Variants in TENM3 observed in about 807,000 individuals in gnomAD.
TENM3 encodes teneurin-3.
TENM3 carries 63 observed loss-of-function variants against 255.1 expected under a neutral mutation model. The observed-to-expected ratio is 0.25, with a 90% CI of 0.20 to 0.30. The LOEUF is 0.30. TENM3 is among the 10% of genes least tolerant of loss of function. The pLI is 1.00. For synonymous variants in TENM3, 1,306 were observed against 1,322.3 expected (o/e 0.99, Z 0.27); for missense variants, 2,929 against 3,461.1 (o/e 0.85, Z 3.86).
At chr4:182,103,566 A>G in the TENM3 span, among the ~76,000 whole-genome samples, 13,128 of 152,274 alleles carry the variant, frequency 0.086, 789 homozygotes, top group South Asian at 0.16. Context: ...TATTAGGTAA[A>G]GCCCTACACA....
rs116341443 is a variant in TENM3, at chr4:182,413,523, C to T, written c.511+66594C>T. On this transcript the variant is annotated intron_variant, in intron 3 of 27. Coordinates refer to ENST00000511685, the MANE Select transcript of TENM3 (RefSeq NM_001080477.4). ...CCCAGCTACTCAGGTGGCTGAGGCA[C>T]GATAATTGCTTGAGCCTGGGAAGCG... is the stretch of plus-strand genomic sequence containing the variant. 6.8e-3 allele frequency among the ~76,000 whole-genome samples: 1,027 copies of T among 151,794 alleles called. 9 individuals are homozygous for T. The highest frequency in any genetic ancestry group is 0.023 in the African/African-American group (936 of 41,380).
At chr4:181,626,070 A>G in the TENM3 span, among the ~76,000 whole-genome samples, 3 of 152,206 alleles carry the variant, frequency 2.0e-5, no homozygotes, top group East Asian at 5.8e-4. Context: ...AGGAAGCCAA[A>G]GCTAACTTTG....
chr4:181,854,294 C>T, the TENM3 span, among the ~76,000 whole-genome samples: 1 of 152,182 alleles, frequency 6.6e-6, no homozygotes, highest in Admixed American at 6.5e-5. Context: ...AGCATTACAG[C>T]CTTGTCATAC....
the TENM3 span, among the ~76,000 whole-genome samples, chr4:181,858,833 A>G: frequency 1.3e-5 from 2 of 152,324 alleles, no homozygotes; most frequent in African/African-American, 2.4e-5. Flanking sequence ...AAGAAAATTG[A>G]AACCAGTTGT....
chr4:182,326,562 G>T (rs1031722837), intron 2 of TENM3, among the ~76,000 whole-genome samples: 1 of 152,036 alleles, frequency 6.6e-6, no homozygotes, highest in Non-Finnish European at 1.5e-5. Context: ...TTAGTGACAA[G>T]CTCGGTCTGT....
At chr4:182,646,427 G>A (rs185841169) in intron 5 of TENM3, among the ~76,000 whole-genome samples, 3 of 152,228 alleles carry the variant, frequency 2.0e-5, no homozygotes, top group East Asian at 3.9e-4. Flanking sequence ...ATATTGGCAC[G>A]AGGCTACTGG....
At chr4:181,451,191 G>C in the TENM3 span, among the ~76,000 whole-genome samples, 2 of 152,180 alleles carry the variant, frequency 1.3e-5, no homozygotes, top group Admixed American at 6.5e-5. Context: ...GTAAGGAGGA[G>C]TGGGTATTTT....
the TENM3 span, among the ~76,000 whole-genome samples, chr4:182,041,773 T>A: frequency 3.9e-5 from 6 of 152,140 alleles, no homozygotes; most frequent in Non-Finnish European, 8.8e-5. Flanking sequence ...ATGTCTCCAG[T>A]CTTAGAGGCT....
the TENM3 span, among the ~76,000 whole-genome samples, chr4:181,481,594 G>A: frequency 6.6e-6 from 1 of 152,090 alleles, no homozygotes; most frequent in African/African-American, 2.4e-5. Context: ...GGCCCAGAGA[G>A]GTTAATTAAC....
chr4:181,964,107 G>A, the TENM3 span, among the ~76,000 whole-genome samples: 1 of 150,118 alleles, frequency 6.7e-6, no homozygotes, highest in African/African-American at 2.5e-5. Flanking sequence ...AAAGTCCCCG[G>A]GGATTAAGGG....
chr4:181,988,735 G>T, the TENM3 span, among the ~76,000 whole-genome samples: 9 of 151,882 alleles, frequency 5.9e-5, no homozygotes, highest in Non-Finnish European at 7.4e-5. Flanking sequence ...ACCTGTCTTT[G>T]CTCTTATTTT....
the TENM3 span, among the ~76,000 whole-genome samples, chr4:182,020,636 T>G: frequency 2.7e-3 from 412 of 152,266 alleles, no homozygotes; most frequent in African/African-American, 9.4e-3. Context: ...TTATATATAT[T>G]GCAACATCTC....
At chr4:182,637,331 A>C (rs950316572) in intron 5 of TENM3, among the ~76,000 whole-genome samples, 5 of 152,214 alleles carry the variant, frequency 3.3e-5, no homozygotes, top group Non-Finnish European at 1.5e-5. Flanking sequence ...GAATGTCTGC[A>C]GACTGCTCAC....
At position 182,260,899 on chromosome 4, in the gene TENM3, G is replaced by A. The variant is rs560414540; in HGVS notation, c.-76+17423G>A. On this transcript the variant is annotated intron_variant, in intron 1 of 27. Coordinates refer to ENST00000511685, the MANE Select transcript of TENM3 (RefSeq NM_001080477.4). ...TTTCTTTCTTTTTTTTTTCTGAGTC[G>A]GAGACTTGCCCTGTTGCCCAGGCTG... 7.3e-4 allele frequency among the ~76,000 whole-genome samples: 111 copies of A among 151,650 alleles called. 1 individual carries two copies. Among genetic ancestry groups the A allele is most frequent in the African/African-American group, 2.6e-3 (106 of 41,344 alleles).
At chr4:182,100,013 T>C in the TENM3 span, among the ~76,000 whole-genome samples, 149,227 of 152,226 alleles carry the variant, frequency 0.98, 73,209 homozygotes, top group East Asian at 1. Flanking sequence ...GGTCAGTGTT[T>C]TGCCTTATCC....
intron 3 of TENM3, among the ~76,000 whole-genome samples, chr4:182,424,622 G>T (rs1561432842): frequency 6.6e-6 from 1 of 152,020 alleles, no homozygotes; most frequent in African/African-American, 2.4e-5. Context: ...AAGAAATAAT[G>T]CATGGACAAA....
At chr4:182,436,563 T>C (rs1032495051) in intron 3 of TENM3, among the ~76,000 whole-genome samples, 8 of 152,188 alleles carry the variant, frequency 5.3e-5, no homozygotes, top group African/African-American at 1.9e-4. Context: ...ACCGAATCAT[T>C]GGAAAAGAGA....
chr4:182,098,261 G>A, the TENM3 span, among the ~76,000 whole-genome samples: 20 of 152,282 alleles, frequency 1.3e-4, no homozygotes, highest in African/African-American at 4.8e-4. Context: ...CAGCCAGTAT[G>A]AAGAACAGGA....
chr4:182,196,575 C>T (rs1753845034), intron 1 of TENM3, among the ~76,000 whole-genome samples: 1 of 152,080 alleles, frequency 6.6e-6, no homozygotes. Flanking sequence ...CGTCATTGCC[C>T]TCTCTGGCTG....
Sources: allele counts gnomAD v4.1 joint callset (sites outside exome capture counted in the v4.1 genomes callset), GRCh38; gene constraint gnomAD v4.1.1; transcripts MANE v1.5; gene names NCBI Gene and HGNC (gene_info 2026-07-23, HGNC 2026-07-21).